The following VAV2 variants were observed in gnomAD, a reference collection of about 807,000 sequenced individuals.
VAV2 encodes vav guanine nucleotide exchange factor 2.
A neutral mutation model predicts 132.5 loss-of-function variants in VAV2; 67 were observed. That is an observed-to-expected ratio of 0.51 (90% CI 0.42 to 0.62). The LOEUF (loss-of-function observed/expected upper bound fraction) is 0.62, where lower values mean the gene tolerates loss of function less well. Among genes scored for constraint, VAV2 ranks in the 20% least tolerant of loss-of-function variants. VAV2 has a pLI of 0.00. For missense variants in VAV2, 938 were observed against 1,153.6 expected (o/e 0.81, Z 2.71); for synonymous variants, 492 against 443.5 (o/e 1.11, Z -1.37).
rs1036522165 is a variant in VAV2, at chr9:133,863,398, G to A, written c.322-1966C>T. 2.6e-5 allele frequency among the ~76,000 whole-genome samples: 4 copies of A among 152,162 alleles called. No homozygotes were observed. Among genetic ancestry groups the A allele is most frequent in the Admixed American group, 6.5e-5 (1 of 15,282 alleles). On this transcript the variant is annotated intron_variant, in intron 2 of 29. Coordinates refer to ENST00000371850, the MANE Select transcript of VAV2 (RefSeq NM_001134398.2). This position sits in a 1 kb window ranked among gnomAD's most constrained non-coding sequence, Gnocchi z 5.0. ...ACCTGTTTGTCAACCTGGAGTCAGC[G>A]CAAAGGCCCCAGGTCGGGTCGTACA...
chr9:133,913,496 G>A (rs545851287), intron 2 of VAV2, among the ~76,000 whole-genome samples: 35 of 152,258 alleles, frequency 2.3e-4, no homozygotes, highest in Middle Eastern at 6.8e-3. Flanking sequence ...CTTCAAGGGC[G>A]GTTTCTCCAA....
intron 1 of VAV2, among the ~76,000 whole-genome samples, chr9:133,953,370 T>C (rs983980071): frequency 1.3e-5 from 2 of 152,240 alleles, no homozygotes; most frequent in Admixed American, 6.5e-5. Context: ...ATGGAATGAA[T>C]AGGGCTTGGA....
chr9:133,775,454 G>A (rs907161017), intron 24 of VAV2, among the ~76,000 whole-genome samples: 1 of 152,226 alleles, frequency 6.6e-6, no homozygotes, highest in Admixed American at 6.5e-5. Flanking sequence ...AGGCATAACT[G>A]CTTATGTGGA....
chr9:133,986,740 T>C (rs1842866748), intron 1 of VAV2, among the ~76,000 whole-genome samples: 1 of 152,234 alleles, frequency 6.6e-6, no homozygotes, highest in Non-Finnish European at 1.5e-5. Flanking sequence ...TTGTCTTCTT[T>C]GCAACCAGCA....
chr9:133,876,177 G>A (rs543580437), intron 2 of VAV2, among the ~76,000 whole-genome samples: 11 of 152,230 alleles, frequency 7.2e-5, no homozygotes, highest in Non-Finnish European at 1.0e-4. Flanking sequence ...CCCCAGGATC[G>A]TGTGAGCCAG....
chr9:133,991,982 G>T lies in VAV2; in HGVS notation c.204+93C>A. Reference sequence around the variant, plus strand: ...CCCGGCCGCCCCAGCCAGGGCGCCTGGGCCGCCGCCGCTGCGACCTCCGCG... The same window carrying T: ...CCCGGCCGCCCCAGCCAGGGCGCCTTGGCCGCCGCCGCTGCGACCTCCGCG... On this transcript the variant is annotated intron_variant, in intron 1 of 29. Transcript: ENST00000371850. This position sits in a 1 kb window ranked among gnomAD's most constrained non-coding sequence, Gnocchi z 4.8. 8.9e-7 allele frequency: 1 copy of T among 1,120,668 alleles called. No individual in the cohort carries two copies. The highest frequency in any genetic ancestry group is 1.1e-6 in the Non-Finnish European group (1 of 895,546). The allele number at this position is 1,120,668 out of a possible 1,614,324, so 69.4% of individuals were successfully genotyped here.
At chr9:133,986,891 C>G (rs1253190242) in intron 1 of VAV2, among the ~76,000 whole-genome samples, 1 of 152,110 alleles carries the variant, frequency 6.6e-6, no homozygotes, top group Non-Finnish European at 1.5e-5. Flanking sequence ...CCACTGGGGT[C>G]CTTGCGTGAC....
intron 4 of VAV2, among the ~76,000 whole-genome samples, chr9:133,814,116 G>A (rs988408104): frequency 6.6e-6 from 1 of 152,242 alleles, no homozygotes; most frequent in Non-Finnish European, 1.5e-5. Context: ...CCACATTCTG[G>A]TGACAGAGGC....
At chr9:133,868,496 G>A (rs10993834) in intron 2 of VAV2, among the ~76,000 whole-genome samples, 6,574 of 152,278 alleles carry the variant, frequency 0.043, 446 homozygotes, top group African/African-American at 0.15. Context: ...TGAATGAGAC[G>A]GAGCCTGGCC....
Position 133,804,481 on chromosome 9 carries a change from G to T in VAV2, c.836+1600C>A, listed in dbSNP as rs1835058256. Among the ~76,000 whole-genome samples the T allele has an allele frequency of 6.6e-6, 1 of 152,216 alleles. No individual in the cohort carries two copies. The highest frequency in any genetic ancestry group is 2.1e-4 in the South Asian group (1 of 4,826). Reference sequence around the variant, plus strand: ...GGTCCTGCTGGTGGGACAGGGCCAGGGGTGTCGCCGGGCAGCCTGACTGTG... The same window carrying T: ...GGTCCTGCTGGTGGGACAGGGCCAGTGGTGTCGCCGGGCAGCCTGACTGTG... On this transcript the variant is annotated intron_variant, in intron 9 of 29. Transcript: ENST00000371850. This position sits in a 1 kb window ranked among gnomAD's most constrained non-coding sequence, Gnocchi z 4.5.
Position 133,769,139 on chromosome 9 carries a change from T to C in VAV2, c.2434+278A>G, listed in dbSNP as rs1040625559. ...AAAGCTCTTGATGAACAAGGAGGAA[T>C]GACAGTGGACGGGGCTGGGAAAGTG... is the stretch of plus-strand genomic sequence containing the variant. On this transcript the variant is annotated intron_variant, in intron 28 of 29. Coordinates refer to ENST00000371850, the MANE Select transcript of VAV2 (RefSeq NM_001134398.2). The surrounding 1 kb of genome is among the most constrained non-coding windows in gnomAD (Gnocchi z 8.1). Among the ~76,000 whole-genome samples the C allele has an allele frequency of 6.6e-5, 10 of 152,182 alleles. No individual in the cohort carries two copies. Among genetic ancestry groups the C allele is most frequent in the African/African-American group, 2.4e-4 (10 of 41,436 alleles).
At position 133,826,777 on chromosome 9, in the gene VAV2, C is replaced by A. The variant is rs1564383461; in HGVS notation, c.449+7495G>T. Reference sequence around the variant, plus strand: ...TGTCCCTTCAATTCCCCTAAGAATTCTCGGGGACCTCTGACCTGCCGGCAC... The same window carrying A: ...TGTCCCTTCAATTCCCCTAAGAATTATCGGGGACCTCTGACCTGCCGGCAC... On this transcript the variant is annotated intron_variant, in intron 4 of 29. Transcript: ENST00000371850. The surrounding 1 kb of genome is among the most constrained non-coding windows in gnomAD (Gnocchi z 4.2). 6.6e-6 allele frequency among the ~76,000 whole-genome samples: 1 copy of A among 152,166 alleles called. No individual in the cohort carries two copies. Among genetic ancestry groups the A allele is most frequent in the African/African-American group, 2.4e-5 (1 of 41,432 alleles).
Position 133,761,947 on chromosome 9 carries a change from C to A in VAV2, c.*2115G>T, listed in dbSNP as rs776971209. 6.6e-6 allele frequency: 1 copy of A among 152,650 alleles called. No homozygotes were observed. The highest frequency in any genetic ancestry group is 1.5e-5 in the Non-Finnish European group (1 of 68,056). The allele number at this position is 152,650 out of a possible 1,614,324, so 9.5% of individuals were successfully genotyped here. A position where few individuals can be genotyped will look rare whatever the true frequency, so the allele number is the denominator to read the frequency against. ...AGTAAAAACCATGGTCTGAAAAAAACCCATTGGCAAATGTACAGTTTGTGT... is the reference window on the plus strand; with the variant it reads ...AGTAAAAACCATGGTCTGAAAAAAAACCATTGGCAAATGTACAGTTTGTGT... On this transcript the variant is annotated 3_prime_UTR_variant, in exon 30 of 30. Transcript: ENST00000371850.
Position 133,769,462 on chromosome 9 carries a change from C to T in VAV2, c.2389G>A (p.Gly797Ser), listed in dbSNP as rs1328349315. 1 of 1,613,140 alleles carries T rather than the reference C, an allele frequency of 6.2e-7. No individual in the cohort carries two copies. The highest frequency in any genetic ancestry group is 1.3e-5 in the African/African-American group (1 of 74,898). ...GGGCCCTGAGAAGCAAAGCTGAGGC[C>T]CTGAGGACTGAGAAAAGAAAAGTTG... is the stretch of plus-strand genomic sequence containing the variant. ...SYNFSFLSPQGLSFASQGPSA... is the reference protein window; with the variant it reads ...SYNFSFLSPQSLSFASQGPSA... Residue 797 changes from glycine to serine, a missense_variant, in exon 28 of 30, where the codon GGC becomes AGC. Transcript: ENST00000371850. This position sits in a 1 kb window ranked among gnomAD's most constrained non-coding sequence, Gnocchi z 8.1.
rs143405395 is a variant in VAV2 at position 133,973,574 on chromosome 9, C to A, written c.204+18501G>T. Among the ~76,000 whole-genome samples the A allele has an allele frequency of 2.0e-3, 311 of 152,258 alleles. 1 individual carries two copies. Among genetic ancestry groups the A allele is most frequent in the African/African-American group, 6.9e-3 (287 of 41,538 alleles). ...GGAGACCCAAAGAAGCTGGCGCAGA[C>A]GAGCTGACAGTGCCCAACCCACGCA... On this transcript the variant is annotated intron_variant, in intron 1 of 29. Transcript: ENST00000371850.
At chr9:133,819,596 T>TG (rs1011060144) in intron 4 of VAV2, among the ~76,000 whole-genome samples, 20 of 152,218 alleles carry the variant, frequency 1.3e-4, no homozygotes, top group African/African-American at 3.4e-4. Flanking sequence ...CTGTTGATAC[T>TG]GGGGGGGCGG....
At chr9:133,775,366 C>T (rs1343452228) in intron 24 of VAV2, among the ~76,000 whole-genome samples, 1 of 152,216 alleles carries the variant, frequency 6.6e-6, no homozygotes, top group African/African-American at 2.4e-5. Flanking sequence ...ACCCCAAGGG[C>T]CTGCCAGAGG....
chr9:133,958,512 T>G (rs370042555), intron 1 of VAV2, among the ~76,000 whole-genome samples: 6 of 151,022 alleles, frequency 4.0e-5, no homozygotes, highest in African/African-American at 1.2e-4. Flanking sequence ...CTCCCCACTA[T>G]TGTCTTGTGA....
intron 3 of VAV2, chr9:133,861,124 C>A: frequency 2.2e-6 from 1 of 452,520 alleles, no homozygotes. Flanking sequence ...GATCTTATTA[C>A]CTAAATCGAA....
Sources: gnomAD v4.1 joint callset for allele counts (sites outside exome capture counted in the v4.1 genomes callset) on GRCh38, gnomAD v4.1.1 for gene constraint, Gnocchi (gnomAD v3.1) non-coding constraint, MANE v1.5 for transcripts, NCBI Gene and HGNC (gene_info 2026-07-23, HGNC 2026-07-21) for gene names.